The following KCNQ5 variants were observed in gnomAD, a reference collection of about 807,000 sequenced individuals.
KCNQ5 encodes the protein potassium voltage-gated channel subfamily Q member 5.
KCNQ5 carries 30 observed loss-of-function variants against 98.2 expected under a neutral mutation model. That is an observed-to-expected ratio of 0.31 (90% CI 0.23 to 0.41). The LOEUF (loss-of-function observed/expected upper bound fraction) is 0.41. Among genes scored for constraint, KCNQ5 ranks in the 10% least tolerant of loss-of-function variants. The probability of loss-of-function intolerance (pLI) is 1.00; values close to 1 mark genes in which losing one functional copy is unlikely to be tolerated. For synonymous variants in KCNQ5, 458 were observed against 449.4 expected (o/e 1.02, Z -0.24); for missense variants, 835 against 1,182.5 (o/e 0.71, Z 4.31).
intron 1 of KCNQ5, among the ~76,000 whole-genome samples, chr6:72,929,626 TA>T (rs941531627): frequency 6.6e-6 from 1 of 152,082 alleles, no homozygotes; most frequent in African/African-American, 2.4e-5. Context: ...ACAATGTACA[TA>T]AAGTACATAA....
At chr6:72,716,999 T>C (rs1045964950) in intron 1 of KCNQ5, among the ~76,000 whole-genome samples, 12 of 152,180 alleles carry the variant, frequency 7.9e-5, no homozygotes, top group African/African-American at 2.9e-4. Context: ...GTTTGCATTC[T>C]AATGGAGGGA....
intron 10 of KCNQ5, chr6:73,157,711 G>GC: frequency 1.3e-6 from 1 of 776,642 alleles, no homozygotes; most frequent in East Asian, 2.4e-5. Flanking sequence ...CATCAGAGCA[G>GC]CCCCCATCAG....
At chr6:72,818,973 G>T (rs1775630825) in intron 1 of KCNQ5, among the ~76,000 whole-genome samples, 1 of 151,824 alleles carries the variant, frequency 6.6e-6, no homozygotes, top group African/African-American at 2.4e-5. Context: ...TGAAAAAAGA[G>T]TTAATGACTG....
intron 1 of KCNQ5, among the ~76,000 whole-genome samples, chr6:72,797,524 T>C (rs1460873267): frequency 6.6e-6 from 1 of 151,818 alleles, no homozygotes; most frequent in Admixed American, 6.6e-5. Flanking sequence ...AAAAAGTGTT[T>C]AGTATAAATA....
intron 1 of KCNQ5, among the ~76,000 whole-genome samples, chr6:72,882,489 A>G (rs1335214663): frequency 6.6e-6 from 1 of 152,182 alleles, no homozygotes; most frequent in Non-Finnish European, 1.5e-5. Flanking sequence ...CATAAAAATA[A>G]AAATAAAAAT....
chr6:72,805,622 T>C (rs1774916743), intron 1 of KCNQ5, among the ~76,000 whole-genome samples: 2 of 152,186 alleles, frequency 1.3e-5, no homozygotes, highest in Admixed American at 6.6e-5. Context: ...AGTTTTGTTC[T>C]TTTTGCCCAG....
intron 1 of KCNQ5, among the ~76,000 whole-genome samples, chr6:72,657,109 T>C (rs908853990): frequency 5.3e-5 from 8 of 152,136 alleles, no homozygotes; most frequent in African/African-American, 1.9e-4. Flanking sequence ...ACTCAAGAGA[T>C]TGAGGCAAGA....
chr6:72,828,711 T>TA (rs1372091303), intron 1 of KCNQ5, among the ~76,000 whole-genome samples: 2 of 152,144 alleles, frequency 1.3e-5, no homozygotes, highest in African/African-American at 2.4e-5. Flanking sequence ...ATCTTTGTAC[T>TA]ACCTACCTCT....
intron 1 of KCNQ5, among the ~76,000 whole-genome samples, chr6:72,684,050 C>T (rs1767833796): frequency 6.6e-6 from 1 of 152,148 alleles, no homozygotes; most frequent in Non-Finnish European, 1.5e-5. Context: ...TCAAAACCTA[C>T]AAGAAAACTC....
At chr6:72,983,607 T>G (rs1768583621) in intron 1 of KCNQ5, among the ~76,000 whole-genome samples, 1 of 152,206 alleles carries the variant, frequency 6.6e-6, no homozygotes, top group Non-Finnish European at 1.5e-5. Context: ...TTCCTTGTGA[T>G]GGGCTCGAAC....
chr6:73,013,425 G>T (rs1001017580), intron 2 of KCNQ5, among the ~76,000 whole-genome samples: 1 of 152,140 alleles, frequency 6.6e-6, no homozygotes, highest in Non-Finnish European at 1.5e-5. Flanking sequence ...GTGAACTCAA[G>T]AACGTGTATG....
At chr6:72,655,980 A>G (rs1766172702) in intron 1 of KCNQ5, among the ~76,000 whole-genome samples, 1 of 152,186 alleles carries the variant, frequency 6.6e-6, no homozygotes, top group Non-Finnish European at 1.5e-5. Context: ...GGAACATTCC[A>G]TACATCCAAA....
chr6:72,826,452 C>A (rs1387223596), intron 1 of KCNQ5, among the ~76,000 whole-genome samples: 1 of 152,012 alleles, frequency 6.6e-6, no homozygotes, highest in Non-Finnish European at 1.5e-5. Flanking sequence ...TGTACTATTT[C>A]TAATTGAAAA....
chr6:72,936,060 T>C (rs1393630003), intron 1 of KCNQ5, among the ~76,000 whole-genome samples: 1 of 152,196 alleles, frequency 6.6e-6, no homozygotes, highest in Non-Finnish European at 1.5e-5. Flanking sequence ...ATGCCCTTTT[T>C]TATTTGCTTC....
intron 1 of KCNQ5, among the ~76,000 whole-genome samples, chr6:72,658,091 C>T (rs1766286734): frequency 6.6e-6 from 1 of 152,156 alleles, no homozygotes; most frequent in Non-Finnish European, 1.5e-5. Context: ...GAAATCCTTC[C>T]CTTTTGGGCT....
chr6:72,792,936 T>A (rs1387654550), intron 1 of KCNQ5, among the ~76,000 whole-genome samples: 1 of 152,202 alleles, frequency 6.6e-6, no homozygotes, highest in African/African-American at 2.4e-5. Context: ...AAATTAAACA[T>A]GTTGTTCTAA....
intron 1 of KCNQ5, among the ~76,000 whole-genome samples, chr6:72,982,370 A>G (rs1274240161): frequency 6.6e-6 from 1 of 151,832 alleles, no homozygotes; most frequent in African/African-American, 2.4e-5. Flanking sequence ...TAGGACAGTT[A>G]GCTCTTCTTG....
intron 9 of KCNQ5, among the ~76,000 whole-genome samples, chr6:73,127,337 G>A (rs1776030678): frequency 6.6e-6 from 1 of 152,174 alleles, no homozygotes; most frequent in Admixed American, 6.5e-5. Context: ...GAGTCAGAAA[G>A]GCAGAGGAGA....
chr6:72,816,464 C>T (rs901320152), intron 1 of KCNQ5, among the ~76,000 whole-genome samples: 6 of 152,108 alleles, frequency 3.9e-5, no homozygotes, highest in Admixed American at 2.6e-4. Context: ...TTTGTAAGAA[C>T]GGGGAGACTA....
Sources: allele counts gnomAD v4.1 joint callset (sites outside exome capture counted in the v4.1 genomes callset), GRCh38; gene constraint gnomAD v4.1.1; transcripts MANE v1.5; gene names NCBI Gene and HGNC (gene_info 2026-07-23, HGNC 2026-07-21).